Variants in SPOCK3 observed in about 807,000 individuals in gnomAD.
The protein encoded by SPOCK3 is testican-3.
A neutral mutation model predicts 56.6 loss-of-function variants in SPOCK3; 30 were observed. That is an observed-to-expected ratio of 0.53 (90% CI 0.40 to 0.72). The LOEUF (loss-of-function observed/expected upper bound fraction) is 0.72, where lower values mean the gene tolerates loss of function less well. Among genes scored for constraint, SPOCK3 ranks in the 30% least tolerant of loss-of-function variants. SPOCK3 has a pLI of 0.00. For synonymous variants in SPOCK3, 196 were observed against 183.3 expected, an observed-to-expected ratio of 1.07 and a Z score of -0.56; for missense variants, 527 against 530.0, an observed-to-expected ratio of 0.99 and a Z score of 0.06.
At chr4:167,161,917 C>A (rs1017607348) in intron 2 of SPOCK3, among the ~76,000 whole-genome samples, 1 of 151,608 alleles carries the variant, frequency 6.6e-6, no homozygotes, top group Non-Finnish European at 1.5e-5. Context: ...GAAGGGATAG[C>A]ATTAGGAGAT....
At chr4:167,081,967 A>G (rs1324323472) in intron 2 of SPOCK3, among the ~76,000 whole-genome samples, 1 of 151,968 alleles carries the variant, frequency 6.6e-6, no homozygotes, top group Non-Finnish European at 1.5e-5. Context: ...CCTCCCATGA[A>G]TTCTTCATGC....
At chr4:166,770,264 T>C (rs1738751684) in intron 7 of SPOCK3, among the ~76,000 whole-genome samples, 1 of 152,092 alleles carries the variant, frequency 6.6e-6, no homozygotes, top group South Asian at 2.1e-4. Flanking sequence ...AAATCACCCA[T>C]CTTCTGTGTC....
chr4:166,768,134 CTT>C lies in SPOCK3; in HGVS notation c.710-13407_710-13406del, dbSNP rs543013900. ...TACAGCACACTGATGGGTCTTGACT[CTT>C]TATCCAATTTGCCAGTCTGTGTCTT... is the stretch of plus-strand genomic sequence containing the variant. On this transcript the variant is annotated intron_variant, in intron 7 of 10. Coordinates refer to ENST00000357545, the MANE Select transcript of SPOCK3 (RefSeq NM_001040159.2). 8.6e-3 allele frequency among the ~76,000 whole-genome samples: 1,312 copies of C among 152,214 alleles called. 24 individuals are homozygous for C. Among genetic ancestry groups the C allele is most frequent in the African/African-American group, 0.03 (1,241 of 41,528 alleles).
chr4:167,102,925 A>T (rs1759786564), intron 2 of SPOCK3, among the ~76,000 whole-genome samples: 1 of 140,694 alleles, frequency 7.1e-6, no homozygotes, highest in Non-Finnish European at 1.5e-5. Flanking sequence ...GCTTGCAGAA[A>T]AAAAAAAAAA....
chr4:166,768,296 C>A (rs1579167727), intron 7 of SPOCK3, among the ~76,000 whole-genome samples: 1 of 152,150 alleles, frequency 6.6e-6, no homozygotes, highest in South Asian at 2.1e-4. Flanking sequence ...ATGGTCTTTA[C>A]AATTTGTCAT....
In SPOCK3 at chr4:167,072,925, G is replaced by A. The variant is rs563241711; in HGVS notation, c.190-10388C>T. 2.6e-5 allele frequency among the ~76,000 whole-genome samples: 4 copies of A among 151,872 alleles called. No homozygotes were observed. The South Asian group carries it at 8.3e-4, about 31-fold the overall frequency. On this transcript the variant is annotated intron_variant, in intron 2 of 10. Coordinates refer to ENST00000357545, the MANE Select transcript of SPOCK3 (RefSeq NM_001040159.2). ...CTAAATTAAGGTCAAGTGCCTCTAAGTACTAAAAATGTGCTTCTAATCCTA... is the reference window on the plus strand; with the variant it reads ...CTAAATTAAGGTCAAGTGCCTCTAAATACTAAAAATGTGCTTCTAATCCTA...
chr4:166,894,518 C>T (rs1385664642), intron 5 of SPOCK3, among the ~76,000 whole-genome samples: 1 of 152,112 alleles, frequency 6.6e-6, no homozygotes, highest in Non-Finnish European at 1.5e-5. Context: ...CCTTATACTT[C>T]AAACTTTAGG....
intron 3 of SPOCK3, among the ~76,000 whole-genome samples, chr4:167,054,121 C>T (rs554480238): frequency 1.4e-4 from 21 of 152,060 alleles, no homozygotes; most frequent in Non-Finnish European, 2.2e-4. Context: ...TGATATTTAT[C>T]GTGTGCTGGA....
intron 2 of SPOCK3, among the ~76,000 whole-genome samples, chr4:167,200,779 T>C (rs1733440203): frequency 1.3e-5 from 2 of 152,194 alleles, no homozygotes; most frequent in South Asian, 2.1e-4. Flanking sequence ...CACTTTATTG[T>C]AAATGTAGGA....
intron 3 of SPOCK3, among the ~76,000 whole-genome samples, chr4:167,012,326 T>A (rs891787017): frequency 2.6e-5 from 4 of 151,986 alleles, no homozygotes; most frequent in Admixed American, 1.3e-4. Flanking sequence ...GTTGTATATG[T>A]AAAAATTCAG....
intron 7 of SPOCK3, among the ~76,000 whole-genome samples, chr4:166,766,288 A>G (rs757901006): frequency 1.9e-4 from 29 of 152,300 alleles, no homozygotes; most frequent in Non-Finnish European, 4.1e-4. Context: ...GAATGCTTCC[A>G]GTTTATGTCC....
intron 6 of SPOCK3, among the ~76,000 whole-genome samples, chr4:166,807,186 T>G (rs7661104): frequency 0.035 from 5,261 of 151,984 alleles, 98 homozygotes; most frequent in African/African-American, 0.052. Context: ...GTTGCTGAGT[T>G]TTGCAAGTAA....
rs576888227 is a variant in SPOCK3 at position 166,948,936 on chromosome 4, GT to G, written c.351-36194del. Among the ~76,000 whole-genome samples the G allele has an allele frequency of 1.3e-3, 202 of 152,252 alleles. 1 individual carries two copies. The highest frequency in any genetic ancestry group is 4.1e-3 in the African/African-American group (170 of 41,548). On this transcript the variant is annotated intron_variant, in intron 4 of 10. Coordinates refer to ENST00000357545, the MANE Select transcript of SPOCK3 (RefSeq NM_001040159.2). ...TCTCCTGGATAATATCCTGCAGAGTGTTTTCCAACTTGGTTCCATTCTCCCC... is the reference window on the plus strand; with the variant it reads ...TCTCCTGGATAATATCCTGCAGAGTGTTTCCAACTTGGTTCCATTCTCCCC...
chr4:167,212,867 C>CA (rs1268975535), intron 2 of SPOCK3, among the ~76,000 whole-genome samples: 5 of 152,088 alleles, frequency 3.3e-5, no homozygotes, highest in Admixed American at 3.3e-4. Context: ...ACAGTGTGGT[C>CA]AAGGTATTTT....
At chr4:167,047,248 C>T (rs7673023) in intron 3 of SPOCK3, among the ~76,000 whole-genome samples, 8 of 152,102 alleles carry the variant, frequency 5.3e-5, no homozygotes, top group East Asian at 1.9e-4. Flanking sequence ...TAACATCTAA[C>T]GAGTATTTTA....
intron 3 of SPOCK3, among the ~76,000 whole-genome samples, chr4:167,033,425 G>T (rs1318058633): frequency 7.1e-6 from 1 of 140,966 alleles, no homozygotes; most frequent in East Asian, 2.0e-4. Flanking sequence ...TTATTATTAA[G>T]GGTTTGATAT....
At chr4:166,887,355 G>A (rs1734305863) in intron 6 of SPOCK3, among the ~76,000 whole-genome samples, 1 of 152,120 alleles carries the variant, frequency 6.6e-6, no homozygotes, top group Admixed American at 6.6e-5. Context: ...CATCTCAAAT[G>A]TTGTTCTTAA....
intron 3 of SPOCK3, chr4:167,011,433 AC>A (rs1249615044): frequency 9.6e-6 from 2 of 208,132 alleles, no homozygotes; most frequent in African/African-American, 4.6e-5. Flanking sequence ...CTCAACCTCT[AC>A]TTTGTATTGT....
intron 6 of SPOCK3, among the ~76,000 whole-genome samples, chr4:166,827,069 G>C (rs1437955668): frequency 6.6e-6 from 1 of 151,972 alleles, no homozygotes; most frequent in Non-Finnish European, 1.5e-5. Context: ...TACAGACTCT[G>C]TCAGTGGTCC....
Sources: allele counts gnomAD v4.1 joint callset (sites outside exome capture counted in the v4.1 genomes callset), GRCh38; gene constraint gnomAD v4.1.1; transcripts MANE v1.5; gene names NCBI Gene and HGNC (gene_info 2026-07-23, HGNC 2026-07-21).